ZNF385B: variants seen among roughly 807,000 people sequenced by gnomAD.
The protein encoded by ZNF385B is zinc finger protein 385B.
ZNF385B carries 23 observed loss-of-function variants against 39.2 expected under a neutral mutation model. The observed-to-expected ratio is 0.59, with a 90% CI of 0.42 to 0.83. The LOEUF (loss-of-function observed/expected upper bound fraction) is 0.83. Ranked by LOEUF, ZNF385B falls within the 40% of genes least tolerant of loss-of-function variation. The pLI, the probability that ZNF385B is intolerant of heterozygous loss-of-function variation, is 0.00. For missense variants in ZNF385B, 552 were observed against 598.9 expected (o/e 0.92, Z 0.82); for synonymous variants, 205 against 222.6 (o/e 0.92, Z 0.70).
chr2:179,694,647 G>C (rs1698583885), intron 3 of ZNF385B, among the ~76,000 whole-genome samples: 1 of 152,042 alleles, frequency 6.6e-6, no homozygotes, highest in Non-Finnish European at 1.5e-5. Context: ...GAAGACATCT[G>C]GGCTGGGCAA....
chr2:179,715,612 G>A (rs1483521863), intron 3 of ZNF385B, among the ~76,000 whole-genome samples: 20 of 151,956 alleles, frequency 1.3e-4, no homozygotes, highest in Non-Finnish European at 4.4e-5. Context: ...TAAAATCTAG[G>A]ACATATGAAC....
chr2:179,847,411 T>TA lies in ZNF385B; in HGVS notation c.-155+13689dup, dbSNP rs149250414. On this transcript the variant is annotated intron_variant, in intron 1 of 9. Coordinates refer to ENST00000410066, the MANE Select transcript of ZNF385B (RefSeq NM_152520.6). ...GTTCATAATTAATACAATTTTCTCT[T>TA]AAAATGTACCTATTCCTACTTGTTT... Among the ~76,000 whole-genome samples the TA allele has an allele frequency of 7.6e-4, 116 of 152,346 alleles. 2 individuals are homozygous for TA. In the East Asian group the frequency reaches 0.02, roughly 26 times the overall value.
At chr2:179,480,239 AT>A (rs1221330115) in intron 6 of ZNF385B, among the ~76,000 whole-genome samples, 2 of 152,156 alleles carry the variant, frequency 1.3e-5, no homozygotes, top group African/African-American at 4.8e-5. Context: ...GTCCCATGAG[AT>A]TTGCAAGTGA....
chr2:179,712,474 T>C (rs1700066801), intron 3 of ZNF385B, among the ~76,000 whole-genome samples: 1 of 152,164 alleles, frequency 6.6e-6, no homozygotes, highest in South Asian at 2.1e-4. Context: ...GTCCTTGATA[T>C]CTCCTCTTTT....
At chr2:179,829,201 A>G (rs1448760472) in intron 1 of ZNF385B, among the ~76,000 whole-genome samples, 5 of 152,296 alleles carry the variant, frequency 3.3e-5, no homozygotes, top group African/African-American at 4.8e-5. Flanking sequence ...AAACAATTTT[A>G]TGTTCTAATA....
intron 6 of ZNF385B, among the ~76,000 whole-genome samples, chr2:179,448,376 G>T (rs1020713443): frequency 3.3e-5 from 5 of 151,900 alleles, no homozygotes; most frequent in Non-Finnish European, 1.5e-5. Context: ...CTTAATATTT[G>T]GAATTACTCA....
chr2:179,453,425 T>C (rs2105433977), intron 6 of ZNF385B, among the ~76,000 whole-genome samples: 1 of 152,174 alleles, frequency 6.6e-6, no homozygotes, highest in East Asian at 1.9e-4. Context: ...GTCCAGGCCT[T>C]ATAAAGTAGT....
chr2:179,454,031 AGCAGACCAT>A (rs1233772171), intron 6 of ZNF385B, among the ~76,000 whole-genome samples: 1 of 152,234 alleles, frequency 6.6e-6, no homozygotes, highest in African/African-American at 2.4e-5. Context: ...CGGAAGAAAG[AGCAGACCAT>A]GCCCCTTTTC....
At chr2:179,643,174 A>C (rs76682887) in intron 3 of ZNF385B, among the ~76,000 whole-genome samples, 6,072 of 152,150 alleles carry the variant, frequency 0.04, 166 homozygotes, top group Middle Eastern at 0.065. Context: ...TAAAGCAACA[A>C]GATTTTGAAT....
At chr2:179,588,255 A>T (rs1045354989) in intron 3 of ZNF385B, among the ~76,000 whole-genome samples, 1 of 151,926 alleles carries the variant, frequency 6.6e-6, no homozygotes, top group African/African-American at 2.4e-5. Context: ...TGCCCGGCTA[A>T]TTTTTTGTAT....
At chr2:179,445,854 T>A in intron 7 of ZNF385B, 126 bp from the exon 8 acceptor site, 2 of 864,268 alleles carry the variant, frequency 2.3e-6, no homozygotes, top group Non-Finnish European at 3.3e-6. Flanking sequence ...ATGATCACTT[T>A]AATGCTGATT....
Position 179,631,065 on chromosome 2 carries a change from G to A in ZNF385B, c.299-86096C>T, listed in dbSNP as rs572702026. Among the ~76,000 whole-genome samples the A allele has an allele frequency of 2.0e-4, 31 of 152,320 alleles. 1 individual carries two copies. In the South Asian group the frequency reaches 5.8e-3, roughly 29 times the overall value. ...TTGATTGGTGTACCTAAAAGTGACA[G>A]GGAGAATGGAACCAAGTTGGAAAAC... On this transcript the variant is annotated intron_variant, in intron 3 of 9. Transcript: ENST00000410066.
At chr2:179,528,222 A>AT (rs2059037408) in intron 4 of ZNF385B, among the ~76,000 whole-genome samples, 4 of 152,272 alleles carry the variant, frequency 2.6e-5, no homozygotes, top group Admixed American at 2.0e-4. Flanking sequence ...TCTGCAGAGG[A>AT]TTTTTTCAAC....
chr2:179,697,339 G>T (rs1698843785), intron 3 of ZNF385B, among the ~76,000 whole-genome samples: 1 of 152,138 alleles, frequency 6.6e-6, no homozygotes, highest in Non-Finnish European at 1.5e-5. Context: ...CTGTTCTCAT[G>T]ATAGTGAGTG....
intron 3 of ZNF385B, among the ~76,000 whole-genome samples, chr2:179,732,787 C>G (rs146394427): frequency 1.3e-5 from 2 of 152,126 alleles, no homozygotes; most frequent in Non-Finnish European, 2.9e-5. Flanking sequence ...CAACAGAGAA[C>G]TAAATGTATG....
chr2:179,811,795 A>T (rs975030614), intron 1 of ZNF385B, among the ~76,000 whole-genome samples: 44 of 152,106 alleles, frequency 2.9e-4, no homozygotes, highest in Admixed American at 5.9e-4. Flanking sequence ...AAAAAAATTG[A>T]CGAGTGGGAC....
rs117028444 is a variant in ZNF385B, at chr2:179,657,115, C to T, written c.299-112146G>A. Among the ~76,000 whole-genome samples the T allele has an allele frequency of 9.2e-5, 14 of 152,238 alleles. No homozygotes were observed. The East Asian group carries it at 1.9e-3, about 21-fold the overall frequency. On this transcript the variant is annotated intron_variant, in intron 3 of 9. Coordinates refer to ENST00000410066, the MANE Select transcript of ZNF385B (RefSeq NM_152520.6). ...GTATTGGGGCAGGGAAGGGGAAGAG[C>T]GGAGAGCCTCTGGTGTTGAAATGCC... is the stretch of plus-strand genomic sequence containing the variant.
At chr2:179,709,017 T>C (rs954758538) in intron 3 of ZNF385B, among the ~76,000 whole-genome samples, 8 of 152,172 alleles carry the variant, frequency 5.3e-5, no homozygotes, top group South Asian at 2.1e-4. Context: ...GTTTGGCACA[T>C]ACCATTTTGT....
At chr2:179,817,691 C>T (rs1018519567) in intron 1 of ZNF385B, among the ~76,000 whole-genome samples, 1 of 121,360 alleles carries the variant, frequency 8.2e-6, no homozygotes, top group Non-Finnish European at 1.8e-5. Context: ...GTGTGTGTGT[C>T]AATCTGAATG....
Sources: gnomAD v4.1 joint callset for allele counts (sites outside exome capture counted in the v4.1 genomes callset) on GRCh38, gnomAD v4.1.1 for gene constraint, MANE v1.5 for transcripts, NCBI Gene and HGNC (gene_info 2026-07-23, HGNC 2026-07-21) for gene names.